Variants in BLTP1 observed in about 807,000 individuals in gnomAD.
The protein encoded by BLTP1 is bridge-like lipid transfer protein family member 1.
At chr4:122,337,046 T>G in the BLTP1 span, 2 of 1,554,848 alleles carry the variant, frequency 1.3e-6, no homozygotes, top group Admixed American at 3.7e-5. Context: ...TCTTTCTTTT[T>G]GTTTTAAAGA....
At chr4:122,318,555 G>A in the BLTP1 span, among the ~76,000 whole-genome samples, 6 of 152,118 alleles carry the variant, frequency 3.9e-5, no homozygotes, top group Admixed American at 1.3e-4. Context: ...TAGACACTGT[G>A]TTTTGTCTGT....
the BLTP1 span, chr4:122,254,780 A>T: frequency 6.8e-7 from 1 of 1,479,188 alleles, no homozygotes. Context: ...ACTTGTTTTT[A>T]TAATTTTTTA....
At chr4:122,165,318 T>C in the BLTP1 span, among the ~76,000 whole-genome samples, 15 of 151,528 alleles carry the variant, frequency 9.9e-5, no homozygotes, top group Admixed American at 5.3e-4. Context: ...TGAGAACATG[T>C]GGTGTTTGGT....
At chr4:122,288,084 G>T in the BLTP1 span, among the ~76,000 whole-genome samples, 2 of 152,030 alleles carry the variant, frequency 1.3e-5, no homozygotes, top group Non-Finnish European at 2.9e-5. Flanking sequence ...TCTTAGAGTT[G>T]CCTATTTTAC....
At chr4:122,253,792 A>C in the BLTP1 span, among the ~76,000 whole-genome samples, 9 of 152,320 alleles carry the variant, frequency 5.9e-5, no homozygotes, top group Middle Eastern at 3.4e-3. Flanking sequence ...ATTCAAGTAC[A>C]AGAAGGTAGA....
chr4:122,168,318 G>A, the BLTP1 span, among the ~76,000 whole-genome samples: 1 of 152,110 alleles, frequency 6.6e-6, no homozygotes, highest in Middle Eastern at 3.2e-3. Context: ...ATTTTTGGTG[G>A]ATAGGTCCTT....
chr4:122,163,632 C>T, the BLTP1 span, among the ~76,000 whole-genome samples: 12 of 152,212 alleles, frequency 7.9e-5, no homozygotes, highest in Admixed American at 5.9e-4. Context: ...AAATGCTTTA[C>T]ATCAACTTAT....
the BLTP1 span, among the ~76,000 whole-genome samples, chr4:122,329,121 T>C: frequency 6.6e-6 from 1 of 151,806 alleles, no homozygotes; most frequent in Admixed American, 6.6e-5. Context: ...ATTCCTTCAT[T>C]TTTCTGGAGT....
At chr4:122,309,102 C>T in the BLTP1 span, 1 of 514,090 alleles carries the variant, frequency 1.9e-6, no homozygotes, top group Non-Finnish European at 2.5e-6. Flanking sequence ...GTACATTGCA[C>T]TTAAGCAATT....
the BLTP1 span, among the ~76,000 whole-genome samples, chr4:122,345,294 C>A: frequency 6.6e-6 from 1 of 151,858 alleles, no homozygotes; most frequent in Non-Finnish European, 1.5e-5. Flanking sequence ...GAGAAGGAAA[C>A]AATAAATTCT....
the BLTP1 span, among the ~76,000 whole-genome samples, chr4:122,285,124 A>G: frequency 3.7e-4 from 56 of 152,336 alleles, 1 homozygote; most frequent in African/African-American, 1.2e-3. Context: ...CAGGGCACCC[A>G]TGAAATACAG....
the BLTP1 span, chr4:122,184,817 T>TATGA: frequency 2.0e-6 from 2 of 985,446 alleles, no homozygotes; most frequent in Non-Finnish European, 2.4e-6. Context: ...CAGAATATTG[T>TATGA]ATGACAAAAC....
At chr4:122,333,585 A>G in the BLTP1 span, 1 of 1,537,276 alleles carries the variant, frequency 6.5e-7, no homozygotes, top group South Asian at 1.3e-5. Flanking sequence ...AAAAAGATAA[A>G]TGTGTCATTT....
At chr4:122,289,364 T>G in the BLTP1 span, 1 of 506,110 alleles carries the variant, frequency 2.0e-6, no homozygotes, top group Non-Finnish European at 2.6e-6. Context: ...CAGTGTTTGC[T>G]TATCATTTTT....
chr4:122,172,453 C>T, the BLTP1 span: 1 of 343,486 alleles, frequency 2.9e-6, no homozygotes, highest in Non-Finnish European at 4.1e-6. Flanking sequence ...TTTAGAATAT[C>T]ATTTACTGTA....
At chr4:122,249,674 C>T in the BLTP1 span, 1 of 1,613,450 alleles carries the variant, frequency 6.2e-7, no homozygotes, top group Non-Finnish European at 8.5e-7. Flanking sequence ...GAAAATTTAA[C>T]CATAAAAGGC....
chr4:122,154,749 G>A, the BLTP1 span: 657 of 161,104 alleles, frequency 4.1e-3, 1 homozygote, highest in Non-Finnish European at 7.3e-3. Flanking sequence ...GCGGGTGCCT[G>A]TAGTCCCAGC....
chr4:122,296,722 T>C, the BLTP1 span, among the ~76,000 whole-genome samples: 1 of 151,970 alleles, frequency 6.6e-6, no homozygotes, highest in African/African-American at 2.4e-5. Flanking sequence ...AACAGACACA[T>C]AGGCCAATGA....
the BLTP1 span, chr4:122,263,018 A>G: frequency 6.3e-7 from 1 of 1,594,918 alleles, no homozygotes. Context: ...ACATGTTTAT[A>G]TTTACGGGGG....
Sources: gnomAD v4.1 joint callset for allele counts (sites outside exome capture counted in the v4.1 genomes callset) on GRCh38, gnomAD v4.1.1 for gene constraint, MANE v1.5 for transcripts, NCBI Gene and HGNC (gene_info 2026-07-23, HGNC 2026-07-21) for gene names.